Variants in SGPL1 observed in about 807,000 individuals in gnomAD.
SGPL1 encodes the protein SP-lyase 1.
In SGPL1, 37 loss-of-function variants were observed where a neutral mutation model predicts 68.9. The observed-to-expected ratio is 0.54, with a 90% CI of 0.41 to 0.71. SGPL1 has a LOEUF of 0.71. Among genes scored for constraint, SGPL1 ranks in the 30% least tolerant of loss-of-function variants. The pLI is 0.00. For synonymous variants in SGPL1, 236 were observed against 248.5 expected, an observed-to-expected ratio of 0.95 and a Z score of 0.47; for missense variants, 551 against 704.6, an observed-to-expected ratio of 0.78 and a Z score of 2.47.
chr10:70,844,424 C>A, intron 2 of SGPL1, 49 bp from the exon 3 acceptor site: 2 of 1,550,098 alleles, frequency 1.3e-6, no homozygotes, highest in East Asian at 2.3e-5. Flanking sequence ...GAACAGACTT[C>A]TTTTCTCTCT....
At position 70,859,396 on chromosome 10, in the gene SGPL1, A is replaced by G. The variant is rs1312030317; in HGVS notation, c.512A>G (p.Asn171Ser). 2 of 1,533,876 alleles carry G rather than the reference A, an allele frequency of 1.3e-6. No individual in the cohort carries two copies. The highest frequency in any genetic ancestry group is 1.4e-5 in the African/African-American group (1 of 71,384). Residue 171 changes from asparagine (N) to serine (S), a missense_variant, in exon 7 of 15, where the codon AAC becomes AGC. Asn to Ser is a conservative substitution (Grantham distance 46). Coordinates refer to ENST00000373202, the MANE Select transcript of SGPL1 (RefSeq NM_003901.4). Reference sequence around the variant, plus strand: ...GCTTATGGAGATTTTGCATGGAGTAACCCCCTGCATCCAGATATCTTCCCA... The same window carrying G: ...GCTTATGGAGATTTTGCATGGAGTAGCCCCCTGCATCCAGATATCTTCCCA... ...VKAYGDFAWS[N>S]PLHPDIFPGL... is the part of the protein sequence containing the mutation.
chr10:70,876,817 C>T (rs1846398067), intron 14 of SGPL1, among the ~76,000 whole-genome samples, 156 bp downstream of exon 14: 1 of 152,190 alleles, frequency 6.6e-6, no homozygotes, highest in Non-Finnish European at 1.5e-5. Flanking sequence ...CTGCATCACC[C>T]ACCCCTTAGG....
chr10:70,840,702 T>G (rs938956809), intron 2 of SGPL1, among the ~76,000 whole-genome samples: 3 of 152,180 alleles, frequency 2.0e-5, no homozygotes, highest in African/African-American at 7.2e-5. Context: ...AAGGACCTCC[T>G]TTGAATTTAA....
In SGPL1 at chr10:70,877,804, CTCTCTTTTTTTTTTTT is replaced by C. The variant is rs1471183273; in HGVS notation, c.*471_*486del. ...AAGCAGGAGGCTTTTTCAGCCTTCT[CTCTCTTTTTTTTTTTT>C]TTTTTTTTTTTTGAGATGGAATTTT... On this transcript the variant is annotated 3_prime_UTR_variant, in exon 15 of 15. Coordinates refer to ENST00000373202, the MANE Select transcript of SGPL1 (RefSeq NM_003901.4). 1 of 128,258 alleles carries C rather than the reference CTCTCTTTTTTTTTTTT, an allele frequency of 7.8e-6. No homozygotes were observed. Among genetic ancestry groups the C allele is most frequent in the African/African-American group, 3.2e-5 (1 of 31,166 alleles). The allele number at this position is 128,258 out of a possible 1,614,324, so 7.9% of individuals were successfully genotyped here.
chr10:70,857,524 C>A, intron 5 of SGPL1, 90 bp from the exon 6 acceptor site: 1 of 1,029,014 alleles, frequency 9.7e-7, no homozygotes. Context: ...CTTTTGTATC[C>A]AGAGGAGTTT....
chr10:70,854,818 T>G lies in SGPL1; in HGVS notation c.372T>G (p.Ser124=). The G allele has an allele frequency of 3.1e-6, 5 of 1,613,410 alleles. No homozygotes were observed. Among genetic ancestry groups the G allele is most frequent in the Non-Finnish European group, 4.2e-6 (5 of 1,179,754 alleles). The change falls in exon 5 of 15, where the codon TCT becomes TCG. Residue 124 remains serine (S), a synonymous_variant. Coordinates refer to ENST00000373202, the MANE Select transcript of SGPL1 (RefSeq NM_003901.4). ...KALPSQGLSS[S]AVLEKLKEYS... ...TACCCTCCCAGGGTCTGAGCTCATCTGCTGTTTTGGAGAAACTTAAGGAGT... is the reference window on the plus strand; with the variant it reads ...TACCCTCCCAGGGTCTGAGCTCATCGGCTGTTTTGGAGAAACTTAAGGAGT...
At chr10:70,877,088 G>A in intron 14 of SGPL1, 107 bp from the exon 15 acceptor site, 1 of 1,079,688 alleles carries the variant, frequency 9.3e-7, no homozygotes, top group Non-Finnish European at 1.4e-6. Context: ...GGGTAGGGCA[G>A]TGCACATGCG....
intron 10 of SGPL1, among the ~76,000 whole-genome samples, chr10:70,871,525 C>T (rs2131942980): frequency 6.6e-6 from 1 of 152,312 alleles, no homozygotes; most frequent in African/African-American, 2.4e-5. Flanking sequence ...TGAGGCAGGA[C>T]CTTTCCCTTG....
At chr10:70,831,349 T>G (rs1845532621) in intron 2 of SGPL1, among the ~76,000 whole-genome samples, 1 of 152,150 alleles carries the variant, frequency 6.6e-6, no homozygotes, top group Non-Finnish European at 1.5e-5. Flanking sequence ...TACCTGGAGA[T>G]AGCATCAGAT....
At chr10:70,830,777 G>A (rs1055113144) in intron 2 of SGPL1, among the ~76,000 whole-genome samples, 2 of 152,106 alleles carry the variant, frequency 1.3e-5, no homozygotes, top group African/African-American at 4.8e-5. Context: ...TCTGGGCGTC[G>A]GAGGAGTCTG....
At chr10:70,818,224 G>A (rs546286287) in intron 2 of SGPL1, among the ~76,000 whole-genome samples, 4 of 152,182 alleles carry the variant, frequency 2.6e-5, no homozygotes, top group South Asian at 2.1e-4. Flanking sequence ...GGGTTCAAGC[G>A]ATTCTCCTGC....
chr10:70,861,746 CGGCCCTGCCGGCCCCG>C (rs1166265801), intron 7 of SGPL1, among the ~76,000 whole-genome samples: 1 of 152,194 alleles, frequency 6.6e-6, no homozygotes, highest in Non-Finnish European at 1.5e-5. Context: ...AGCAGCCGGC[CGGCCCTGCCGGCCCCG>C]GGCAATGAGG....
chr10:70,867,069 T>A (rs1018503423), intron 7 of SGPL1, among the ~76,000 whole-genome samples: 4 of 152,222 alleles, frequency 2.6e-5, no homozygotes, highest in Non-Finnish European at 4.4e-5. Context: ...TTTTCTCACC[T>A]GTAAATTGAA....
Position 70,879,614 on chromosome 10 carries a change from A to G in SGPL1, c.*2279A>G, listed in dbSNP as rs1564634603. The G allele has an allele frequency of 1.3e-5, 2 of 152,690 alleles. No individual in the cohort carries two copies. Among genetic ancestry groups the G allele is most frequent in the Non-Finnish European group, 1.5e-5 (1 of 68,460 alleles). 9.5% of individuals were successfully genotyped at this position (152,690 alleles called of 1,614,324 possible). A position where few individuals can be genotyped will look rare whatever the true frequency, so the allele number is the denominator to read the frequency against. On this transcript the variant is annotated 3_prime_UTR_variant, in exon 15 of 15. Transcript: ENST00000373202. ...TTGCCAGCTGCCAAGATGGAGAAGCATGTGCCCCTGTAGAGCGTCTCCCCA... is the reference window on the plus strand; with the variant it reads ...TTGCCAGCTGCCAAGATGGAGAAGCGTGTGCCCCTGTAGAGCGTCTCCCCA...
chr10:70,823,684 TATATATAG>T (rs569098353), intron 2 of SGPL1, among the ~76,000 whole-genome samples: 2 of 147,724 alleles, frequency 1.4e-5, no homozygotes, highest in African/African-American at 2.5e-5. Context: ...AAACAGTACA[TATATATAG>T]ATATATAGAT....
chr10:70,850,883 T>G, intron 3 of SGPL1, among the ~76,000 whole-genome samples: 1 of 130,008 alleles, frequency 7.7e-6, no homozygotes, highest in Non-Finnish European at 1.6e-5. Flanking sequence ...GCATGAGGGT[T>G]GGGGGGATAC....
At position 70,871,899 on chromosome 10, in the gene SGPL1, C is replaced by T; in HGVS notation, c.972C>T (p.Val324=). The change falls in exon 11 of 15, where the codon GTC becomes GTT. Residue 324 remains valine (V), a synonymous_variant. Transcript: ENST00000373202. The part of the protein sequence containing the change: ...VDACLGGFLI[V]FMEKAGYPLE... ...CTTGTCTGGGAGGCTTCCTCATCGTCTTTATGGAGAAAGCAGGATACCCAC... is the reference window on the plus strand; with the variant it reads ...CTTGTCTGGGAGGCTTCCTCATCGTTTTTATGGAGAAAGCAGGATACCCAC... 1 of 1,614,054 alleles carries T rather than the reference C, an allele frequency of 6.2e-7. No homozygotes were observed. Among genetic ancestry groups the T allele is most frequent in the Non-Finnish European group, 8.5e-7 (1 of 1,179,984 alleles).
intron 2 of SGPL1, among the ~76,000 whole-genome samples, chr10:70,840,897 T>C (rs1185784440): frequency 2.0e-5 from 3 of 152,198 alleles, no homozygotes; most frequent in Admixed American, 6.5e-5. Context: ...TTTTGCTCAG[T>C]GCTGTGAATT....
chr10:70,826,180 C>G (rs566156774), intron 2 of SGPL1, among the ~76,000 whole-genome samples: 2 of 152,234 alleles, frequency 1.3e-5, no homozygotes, highest in African/African-American at 2.4e-5. Context: ...GTGAGACTCT[C>G]TCAAAAAAAT....
Sources: gnomAD v4.1 joint callset for allele counts (sites outside exome capture counted in the v4.1 genomes callset) on GRCh38, gnomAD v4.1.1 for gene constraint, MANE v1.5 for transcripts, NCBI Gene and HGNC (gene_info 2026-07-23, HGNC 2026-07-21) for gene names.